The following MAP3K7CL variants were observed in gnomAD, a reference collection of about 807,000 sequenced individuals.
MAP3K7CL encodes MAP3K7 C-terminal-like protein.
Under a neutral mutation model 18.6 loss-of-function variants are expected in MAP3K7CL, and 16 were observed. The ratio of observed to expected loss-of-function variants is 0.86; its 90% CI spans 0.58 to 1.31. MAP3K7CL has a LOEUF of 1.31. MAP3K7CL is among the 50% of genes most tolerant of loss of function. The pLI, the probability that MAP3K7CL is intolerant of heterozygous loss-of-function variation, is 0.00. For synonymous variants in MAP3K7CL, 65 were observed against 66.8 expected (o/e 0.97, Z 0.13); for missense variants, 163 against 174.4 (o/e 0.93, Z 0.37).
chr21:29,092,147 A>G (rs2086039493), intron 3 of MAP3K7CL: 1 of 394,884 alleles, frequency 2.5e-6, no homozygotes, highest in East Asian at 4.2e-5. Flanking sequence ...TAGAAATCCT[A>G]GAGTTCTTAT....
At chr21:29,166,246 T>C (rs2735965) in intron 4 of MAP3K7CL, among the ~76,000 whole-genome samples, 132,928 of 152,210 alleles carry the variant, frequency 0.87, 58,304 homozygotes, top group African/African-American at 0.92. Flanking sequence ...CATAGGAGCG[T>C]GATTGTGTGG....
chr21:29,104,790 C>T (rs752214851), intron 4 of MAP3K7CL, among the ~76,000 whole-genome samples: 6 of 152,214 alleles, frequency 3.9e-5, no homozygotes, highest in Non-Finnish European at 7.3e-5. Context: ...GGCTAATCCT[C>T]GTTAGCTGAG....
chr21:29,088,763 T>C (rs2085969248), intron 1 of MAP3K7CL, among the ~76,000 whole-genome samples: 1 of 152,148 alleles, frequency 6.6e-6, no homozygotes, highest in African/African-American at 2.4e-5. Context: ...GAGTCTACCA[T>C]TTGGGCGCTG....
At chr21:29,086,572 G>A (rs550312397) in intron 1 of MAP3K7CL, among the ~76,000 whole-genome samples, 26 of 152,296 alleles carry the variant, frequency 1.7e-4, no homozygotes, top group African/African-American at 5.1e-4. Flanking sequence ...TTTCACTTCC[G>A]TGATGAGCAG....
chr21:29,124,302 C>T (rs1023459451), intron 4 of MAP3K7CL, among the ~76,000 whole-genome samples: 3 of 144,286 alleles, frequency 2.1e-5, no homozygotes, highest in Non-Finnish European at 4.5e-5. Flanking sequence ...TGAGGTGAGC[C>T]GATATCGCGC....
intron 4 of MAP3K7CL, chr21:29,109,884 C>T: frequency 2.7e-6 from 2 of 727,326 alleles, no homozygotes; most frequent in Non-Finnish European, 3.4e-6. Flanking sequence ...AATTTGTCTT[C>T]TGTTATTGTC....
intron 4 of MAP3K7CL, chr21:29,109,778 G>A (rs2146555579): frequency 1.0e-6 from 1 of 985,432 alleles, no homozygotes; most frequent in Non-Finnish European, 1.2e-6. Context: ...CTAATAAAGT[G>A]TCTTTTACTT....
intron 1 of MAP3K7CL, among the ~76,000 whole-genome samples, chr21:29,088,726 A>ATG (rs2085968735): frequency 6.6e-6 from 1 of 152,018 alleles, no homozygotes; most frequent in South Asian, 2.1e-4. Context: ...GTGTGTGTGC[A>ATG]TGTGTGTGTG....
Position 29,092,332 on chromosome 21 carries a change from C to T in MAP3K7CL, c.228-107C>T, listed in dbSNP as rs1360471377. ...TTAACAACCCTCTCTAAAGAGGAGG[C>T]AAGAGGTTTCAATTTCTTCTCAGGG... On this transcript the variant is annotated intron_variant, in intron 3 of 6. Transcript: ENST00000286791. 23 of 1,293,314 alleles carry T rather than the reference C, an allele frequency of 1.8e-5. 1 individual carries two copies. In the South Asian group the frequency reaches 2.8e-4, roughly 16 times the overall value. The allele number at this position is 1,293,314 out of a possible 1,614,324, so 80.1% of individuals were successfully genotyped here. A position where few individuals can be genotyped will look rare whatever the true frequency, so the allele number is the denominator to read the frequency against.
intron 1 of MAP3K7CL, among the ~76,000 whole-genome samples, chr21:29,080,199 TC>T (rs2085812796): frequency 6.6e-6 from 1 of 152,240 alleles, no homozygotes; most frequent in South Asian, 2.1e-4. Flanking sequence ...GTTCCCCTGA[TC>T]AGTGTGCTAG....
At chr21:29,098,099 C>T (rs781699771) in intron 4 of MAP3K7CL, among the ~76,000 whole-genome samples, 60 of 152,166 alleles carry the variant, frequency 3.9e-4, no homozygotes, top group East Asian at 9.6e-4. Context: ...GCACATGAGG[C>T]TCATGTCTAC....
intron 3 of MAP3K7CL, among the ~76,000 whole-genome samples, chr21:29,154,196 C>A (rs2146703540): frequency 6.6e-6 from 1 of 152,084 alleles, no homozygotes; most frequent in South Asian, 2.1e-4. Context: ...CAGTCCTTGA[C>A]AAAATAATTG....
chr21:29,092,829 C>T (rs976486282), intron 4 of MAP3K7CL, among the ~76,000 whole-genome samples: 2 of 152,168 alleles, frequency 1.3e-5, no homozygotes, highest in African/African-American at 4.8e-5. Context: ...TGAGTTTGTT[C>T]GACTGTGCTG....
chr21:29,174,664 T>C, intron 4 of MAP3K7CL, 48 bp from the exon 5 acceptor site: 1 of 1,591,240 alleles, frequency 6.3e-7, no homozygotes, highest in Non-Finnish European at 8.6e-7. Context: ...TTTAATTTGC[T>C]TGCATTGAAT....
exon 2 of MAP3K7CL, chr21:29,091,510 C>G (rs1337655964): frequency 2.9e-6 from 2 of 696,828 alleles, no homozygotes; most frequent in Non-Finnish European, 5.2e-6. Context: ...GCCCCTTGCT[C>G]TGTCACGCAG....
At chr21:29,151,743 C>T (rs184504764) in intron 3 of MAP3K7CL, among the ~76,000 whole-genome samples, 1 of 152,286 alleles carries the variant, frequency 6.6e-6, no homozygotes, top group Non-Finnish European at 1.5e-5. Context: ...CCTTTGGGAA[C>T]TTTAATGGTC....
At chr21:29,174,648 G>T in intron 4 of MAP3K7CL, 64 bp from the exon 5 acceptor site, 1 of 1,566,110 alleles carries the variant, frequency 6.4e-7, no homozygotes, top group Non-Finnish European at 8.7e-7. Flanking sequence ...TGCTATTACT[G>T]AATAATTTAA....
intron 4 of MAP3K7CL, among the ~76,000 whole-genome samples, chr21:29,118,339 C>A (rs1298574262): frequency 8.4e-6 from 1 of 119,406 alleles, no homozygotes; most frequent in Non-Finnish European, 1.7e-5. Flanking sequence ...CCTGCCTCGG[C>A]CTCCCAAAGT....
At chr21:29,098,957 A>G (rs2086171978) in intron 4 of MAP3K7CL, among the ~76,000 whole-genome samples, 2 of 152,212 alleles carry the variant, frequency 1.3e-5, no homozygotes, top group African/African-American at 2.4e-5. Context: ...CAAAGATGCC[A>G]AAGTGGCAGG....
Sources: allele counts gnomAD v4.1 joint callset (sites outside exome capture counted in the v4.1 genomes callset), GRCh38; gene constraint gnomAD v4.1.1; transcripts MANE v1.5; gene names NCBI Gene and HGNC (gene_info 2026-07-23, HGNC 2026-07-21).